The following BRAF variants were observed in gnomAD, a reference collection of about 807,000 sequenced individuals.
BRAF encodes the protein B-Raf proto-oncogene, serine/threonine kinase, also known as serine/threonine-protein kinase B-raf.
In BRAF, 16 loss-of-function variants were observed where a neutral mutation model predicts 104.6. That is an observed-to-expected ratio of 0.15 (90% CI 0.10 to 0.23). BRAF has a LOEUF of 0.23. BRAF is among the 10% of genes least tolerant of loss of function. The pLI, the probability that BRAF is intolerant of heterozygous loss-of-function variation, is 1.00. For missense variants in BRAF, 541 were observed against 937.3 expected, an observed-to-expected ratio of 0.58 and a Z score of 5.52; for synonymous variants, 310 against 341.6, an observed-to-expected ratio of 0.91 and a Z score of 1.02.
At chr7:140,918,210 T>C (rs1336309996) in intron 1 of BRAF, among the ~76,000 whole-genome samples, 10 of 152,204 alleles carry the variant, frequency 6.6e-5, no homozygotes, top group Admixed American at 6.5e-4. Context: ...AGTTATGGTA[T>C]AGGGCAGCAC....
At chr7:140,865,587 A>T (rs1015259183) in intron 1 of BRAF, among the ~76,000 whole-genome samples, 2 of 152,242 alleles carry the variant, frequency 1.3e-5, no homozygotes, top group African/African-American at 2.4e-5. Flanking sequence ...CAGTCATTTC[A>T]TAATAGTATC....
intron 8 of BRAF, among the ~76,000 whole-genome samples, chr7:140,793,917 T>C (rs1183087034): frequency 6.6e-6 from 1 of 152,244 alleles, no homozygotes; most frequent in Non-Finnish European, 1.5e-5. Context: ...TGAGCCACTA[T>C]GCCTGGCCTG....
At chr7:140,875,755 C>A (rs1246044303) in intron 1 of BRAF, among the ~76,000 whole-genome samples, 1 of 152,154 alleles carries the variant, frequency 6.6e-6, no homozygotes, top group African/African-American at 2.4e-5. Flanking sequence ...ACAGGTTTCT[C>A]AGCAGAAACC....
chr7:140,749,269 G>C lies in BRAF; in HGVS notation c.2112+18C>G. ...ATATAGACGGTAAAATAAACACCAA[G>C]ACGTGGTAAATATTTACCTGGTCCC... On this transcript the variant is annotated intron_variant, in intron 17 of 19. Coordinates refer to ENST00000644969, the MANE Select transcript of BRAF (RefSeq NM_001374258.1). 1 of 1,610,434 alleles carries C rather than the reference G, an allele frequency of 6.2e-7. No individual in the cohort carries two copies. Among genetic ancestry groups the C allele is most frequent in the Non-Finnish European group, 8.5e-7 (1 of 1,178,916 alleles).
intron 3 of BRAF, among the ~76,000 whole-genome samples, chr7:140,827,033 C>G (rs896665114): frequency 3.3e-5 from 5 of 152,166 alleles, no homozygotes; most frequent in African/African-American, 7.2e-5. Flanking sequence ...AGTCAACATT[C>G]TGAATTGTCT....
At chr7:140,787,349 T>C (rs1257785002) in intron 9 of BRAF, among the ~76,000 whole-genome samples, 199 bp downstream of exon 9, 1 of 151,578 alleles carries the variant, frequency 6.6e-6, no homozygotes, top group Non-Finnish European at 1.5e-5. Flanking sequence ...TCCAGTCATC[T>C]TTTCTACTCA....
rs1294830454 is a variant in BRAF at position 140,726,140 on chromosome 7, C to G, written c.*354G>C. 6.2e-6 allele frequency: 7 copies of G among 1,120,192 alleles called. No homozygotes were observed. The highest frequency in any genetic ancestry group is 4.4e-5 in the East Asian group (1 of 22,724). The allele number at this position is 1,120,192 out of a possible 1,614,324, so 69.4% of individuals were successfully genotyped here. A position where few individuals can be genotyped will look rare whatever the true frequency, so the allele number is the denominator to read the frequency against. ...CTGGTGGTTAGAAGGGCAAAGTTGA[C>G]TGGCAGACTTTCCATAGCAAATCTC... is the stretch of plus-strand genomic sequence containing the variant. On this transcript the variant is annotated 3_prime_UTR_variant, in exon 20 of 20. Transcript: ENST00000644969.
In BRAF at chr7:140,719,822, CCA is replaced by C; in HGVS notation, c.*6670_*6671del. The C allele has an allele frequency of 9.4e-7, 1 of 1,063,078 alleles. No individual in the cohort carries two copies. The highest frequency in any genetic ancestry group is 1.1e-6 in the Non-Finnish European group (1 of 877,920). 65.9% of individuals were successfully genotyped at this position (1,063,078 alleles called of 1,614,324 possible). A position where few individuals can be genotyped will look rare whatever the true frequency, so the allele number is the denominator to read the frequency against. ...TCCCCATCTTTTCACTGGGCACGCC[CCA>C]GACTCCACGAGAACCTTTTCAATGC... On this transcript the variant is annotated 3_prime_UTR_variant, in exon 20 of 20. Transcript: ENST00000644969.
At chr7:140,915,607 T>A (rs1283260726) in intron 1 of BRAF, among the ~76,000 whole-genome samples, 1 of 151,944 alleles carries the variant, frequency 6.6e-6, no homozygotes, top group African/African-American at 2.4e-5. Flanking sequence ...GCTAATTTTT[T>A]GCATTTTTAG....
chr7:140,765,338 T>C (rs1469126443), intron 14 of BRAF, among the ~76,000 whole-genome samples: 12 of 151,680 alleles, frequency 7.9e-5, no homozygotes, highest in African/African-American at 7.3e-5. Flanking sequence ...CCTAAAACCA[T>C]AAAAACCCTA....
chr7:140,716,846 C>G (rs1795139141), downstream of BRAF, among the ~76,000 whole-genome samples: 1 of 152,228 alleles, frequency 6.6e-6, no homozygotes, highest in South Asian at 2.1e-4. Flanking sequence ...CATCTTGGTT[C>G]CAATTGCCCC....
chr7:140,742,172 T>C (rs979661084), intron 17 of BRAF, among the ~76,000 whole-genome samples: 10 of 151,818 alleles, frequency 6.6e-5, no homozygotes, highest in African/African-American at 2.4e-4. Flanking sequence ...CAGAGGTGTA[T>C]AGACATGGTG....
intron 3 of BRAF, among the ~76,000 whole-genome samples, chr7:140,826,331 CTTT>C (rs369469034): frequency 6.6e-6 from 1 of 152,092 alleles, no homozygotes; most frequent in South Asian, 2.1e-4. Flanking sequence ...TTCTACATTT[CTTT>C]TTTTCTATGT....
At chr7:140,921,335 A>G (rs929144511) in intron 1 of BRAF, among the ~76,000 whole-genome samples, 5 of 152,198 alleles carry the variant, frequency 3.3e-5, no homozygotes, top group African/African-American at 1.2e-4. Context: ...CATTCATTTG[A>G]TAAATATTTA....
chr7:140,911,157 G>A (rs1335879475), intron 1 of BRAF, among the ~76,000 whole-genome samples: 1 of 152,174 alleles, frequency 6.6e-6, no homozygotes, highest in Non-Finnish European at 1.5e-5. Context: ...CAGTATTATT[G>A]TTAAGCAACG....
intron 7 of BRAF, chr7:140,799,573 C>T (rs190174898): frequency 8.6e-6 from 2 of 232,290 alleles, no homozygotes. Flanking sequence ...CCCTTTATAT[C>T]TGTTGTTTCT....
chr7:140,739,528 G>A (rs1004098195), intron 18 of BRAF, among the ~76,000 whole-genome samples: 5 of 146,072 alleles, frequency 3.4e-5, no homozygotes, highest in Non-Finnish European at 6.1e-5. Context: ...GTGGGGGGGG[G>A]GGTCTTCGAT....
At chr7:140,873,667 G>C (rs2129095897) in intron 1 of BRAF, among the ~76,000 whole-genome samples, 1 of 152,236 alleles carries the variant, frequency 6.6e-6, no homozygotes, top group South Asian at 2.1e-4. Context: ...TCCACTAGTT[G>C]AACGGACACT....
intron 3 of BRAF, among the ~76,000 whole-genome samples, chr7:140,832,406 C>T (rs770400365): frequency 6.6e-6 from 1 of 152,016 alleles, no homozygotes; most frequent in Non-Finnish European, 1.5e-5. Flanking sequence ...GTCCTTAGCA[C>T]AGAACTTGGA....
Sources: allele counts gnomAD v4.1 joint callset (sites outside exome capture counted in the v4.1 genomes callset), GRCh38; gene constraint gnomAD v4.1.1; transcripts MANE v1.5; gene names NCBI Gene and HGNC (gene_info 2026-07-23, HGNC 2026-07-21).